Variants in PCDH15 observed in about 807,000 individuals in gnomAD.
PCDH15 encodes protocadherin-15.
A neutral mutation model predicts 178.5 loss-of-function variants in PCDH15; 129 were observed. That is an observed-to-expected ratio of 0.72 (90% CI 0.63 to 0.84). The LOEUF (loss-of-function observed/expected upper bound fraction) is 0.84. Ranked by LOEUF, PCDH15 falls within the 40% of genes least tolerant of loss-of-function variation. The probability of loss-of-function intolerance (pLI) is 0.00; values close to 1 mark genes in which losing one functional copy is unlikely to be tolerated. For synonymous variants in PCDH15, 800 were observed against 732.0 expected (o/e 1.09, Z -1.50); for missense variants, 2,230 against 2,099.9 (o/e 1.06, Z -1.21).
chr10:55,072,682 G>C (rs1173831459), intron 2 of PCDH15, among the ~76,000 whole-genome samples: 1 of 151,896 alleles, frequency 6.6e-6, no homozygotes, highest in Admixed American at 6.6e-5. Flanking sequence ...AGGAGGAACT[G>C]GTACCATTCC....
chr10:54,752,509 AAAACAAACAAAC>A (rs140808945), intron 1 of PCDH15, among the ~76,000 whole-genome samples: 3 of 89,234 alleles, frequency 3.4e-5, no homozygotes, highest in Non-Finnish European at 5.2e-5. Context: ...CAAAAAACAA[AAAACAAACAAAC>A]AAACAAACAA....
intron 1 of PCDH15, among the ~76,000 whole-genome samples, chr10:55,243,261 A>C (rs1283392726): frequency 1.3e-5 from 2 of 152,226 alleles, no homozygotes; most frequent in African/African-American, 4.8e-5. Context: ...AATGAACAAG[A>C]GTAGAACTGC....
At chr10:55,032,757 G>A (rs1840643391) in intron 2 of PCDH15, among the ~76,000 whole-genome samples, 2 of 152,144 alleles carry the variant, frequency 1.3e-5, no homozygotes, top group African/African-American at 4.8e-5. Context: ...TGACTCTGAA[G>A]ACATTTCAGG....
chr10:53,986,357 T>G (rs76092970), intron 21 of PCDH15, among the ~76,000 whole-genome samples: 12,835 of 152,240 alleles, frequency 0.084, 1,557 homozygotes, highest in African/African-American at 0.27. Flanking sequence ...TTGCTACACT[T>G]GTGCATTGTT....
chr10:53,804,930 G>A lies in PCDH15; in HGVS notation c.*1649C>T, dbSNP rs548505256. 6.8e-6 allele frequency: 1 copy of A among 146,606 alleles called. No individual in the cohort carries two copies. Among genetic ancestry groups the A allele is most frequent in the African/African-American group, 2.7e-5 (1 of 36,878 alleles). The allele number at this position is 146,606 out of a possible 1,614,324, so 9.1% of individuals were successfully genotyped here. On this transcript the variant is annotated 3_prime_UTR_variant, in exon 38 of 38. Transcript: ENST00000644397. The stretch of plus-strand genomic sequence containing the variant: ...AGCTAATGCCACTAGGTTTTTTTTT[G>A]TTTGTTTGTTTTGTTTTGTTTTTTT...
intron 20 of PCDH15, among the ~76,000 whole-genome samples, chr10:53,999,967 C>T (rs1564971798): frequency 6.6e-6 from 1 of 152,144 alleles, no homozygotes; most frequent in Non-Finnish European, 1.5e-5. Flanking sequence ...GTGCTTGTGT[C>T]ACCCCAACCC....
At chr10:55,397,695 C>T (rs1025388563) in intron 2 of PCDH15, among the ~76,000 whole-genome samples, 1 of 152,202 alleles carries the variant, frequency 6.6e-6, no homozygotes, top group African/African-American at 2.4e-5. Flanking sequence ...AAGCAATTCT[C>T]CTGCCTCAGC....
At chr10:54,839,189 A>G (rs1394960278) in intron 3 of PCDH15, among the ~76,000 whole-genome samples, 2 of 152,204 alleles carry the variant, frequency 1.3e-5, no homozygotes, top group East Asian at 1.9e-4. Context: ...GACCACAAAT[A>G]TATAGAGATC....
At chr10:55,183,103 G>A (rs1051832335) in intron 1 of PCDH15, among the ~76,000 whole-genome samples, 3 of 151,900 alleles carry the variant, frequency 2.0e-5, no homozygotes, top group African/African-American at 7.2e-5. Context: ...TTATTGTACA[G>A]AGGAAGCAGT....
At chr10:54,096,443 CTCATTG>C (rs1348514232) in intron 15 of PCDH15, among the ~76,000 whole-genome samples, 1 of 151,960 alleles carries the variant, frequency 6.6e-6, no homozygotes, top group Admixed American at 6.6e-5. Context: ...CTGTTTTTTG[CTCATTG>C]TCAGTCTCTC....
At chr10:53,888,394 TTTC>T (rs1251661728) in intron 26 of PCDH15, among the ~76,000 whole-genome samples, 13 of 129,504 alleles carry the variant, frequency 1.0e-4, no homozygotes, top group African/African-American at 3.9e-4. Context: ...TTGTTTGGGG[TTTC>T]TTAATATTAC....
At chr10:55,523,879 T>C (rs568453838) in intron 2 of PCDH15, among the ~76,000 whole-genome samples, 1 of 151,610 alleles carries the variant, frequency 6.6e-6, no homozygotes, top group Non-Finnish European at 1.5e-5. Flanking sequence ...TGTCATCTCC[T>C]GTTATAAACA....
chr10:54,458,109 T>C (rs976174201), intron 3 of PCDH15, among the ~76,000 whole-genome samples: 2 of 152,218 alleles, frequency 1.3e-5, no homozygotes, highest in Non-Finnish European at 2.9e-5. Flanking sequence ...TTTCTTTCCA[T>C]ATGCTTTTCT....
chr10:54,191,965 A>G, intron 11 of PCDH15, among the ~76,000 whole-genome samples: 1 of 137,904 alleles, frequency 7.3e-6, no homozygotes, highest in African/African-American at 2.7e-5. Context: ...AGAAAGAAGG[A>G]GAAGGAGGGG....
At chr10:54,485,965 T>C (rs183034561) in intron 3 of PCDH15, among the ~76,000 whole-genome samples, 2 of 151,278 alleles carry the variant, frequency 1.3e-5, no homozygotes, top group East Asian at 2.0e-4. Context: ...TATGAAAAGA[T>C]GTTTAAGTAA....
At chr10:55,385,722 TATATATATACACGTATATAG>T (rs1837641264) in intron 2 of PCDH15, among the ~76,000 whole-genome samples, 4 of 143,334 alleles carry the variant, frequency 2.8e-5, no homozygotes, top group African/African-American at 1.1e-4. Flanking sequence ...TATATATGCA[TATATATATACACGTATATAG>T]ATATGCATAT....
intron 2 of PCDH15, among the ~76,000 whole-genome samples, chr10:54,538,208 T>G (rs1162650554): frequency 6.6e-6 from 1 of 152,146 alleles, no homozygotes; most frequent in African/African-American, 2.4e-5. Context: ...TCAAGGATAG[T>G]GTTTCCTAGG....
intron 2 of PCDH15, among the ~76,000 whole-genome samples, chr10:55,108,931 A>G (rs1047965345): frequency 6.6e-6 from 1 of 152,204 alleles, no homozygotes; most frequent in African/African-American, 2.4e-5. Context: ...GTCACTACCA[A>G]AATGATGATC....
In PCDH15 at chr10:55,186,670, G is replaced by T. The variant is rs546909776; in HGVS notation, c.-155-20019C>A. On this transcript the variant is annotated intron_variant, in intron 1 of 5. Transcript: ENST00000458638. ...ATTTTTAAAAAATCTATAAATTTTA[G>T]ATTTGTGCCATGCACAACCATGTAC... Among the ~76,000 whole-genome samples the T allele has an allele frequency of 2.8e-4, 42 of 151,724 alleles. No homozygotes were observed. In the South Asian group the frequency reaches 8.5e-3, roughly 31 times the overall value.
Sources: allele counts gnomAD v4.1 joint callset (sites outside exome capture counted in the v4.1 genomes callset), GRCh38; gene constraint gnomAD v4.1.1; transcripts MANE v1.5; gene names NCBI Gene and HGNC (gene_info 2026-07-23, HGNC 2026-07-21).